FER: variants seen among roughly 807,000 people sequenced by gnomAD.
FER encodes the protein FER tyrosine kinase.
A neutral mutation model predicts 111.0 loss-of-function variants in FER; 63 were observed. That is an observed-to-expected ratio of 0.57 (90% CI 0.46 to 0.70). FER has a LOEUF of 0.70. Among genes scored for constraint, FER ranks in the 30% least tolerant of loss-of-function variants. The pLI, the probability that FER is intolerant of heterozygous loss-of-function variation, is 0.00. For missense variants in FER, 914 were observed against 954.0 expected, an observed-to-expected ratio of 0.96 and a Z score of 0.55; for synonymous variants, 327 against 313.9, an observed-to-expected ratio of 1.04 and a Z score of -0.44.
intron 1 of FER, among the ~76,000 whole-genome samples, chr5:108,750,179 G>A (rs1313335038): frequency 2.0e-5 from 3 of 151,934 alleles, no homozygotes; most frequent in Non-Finnish European, 2.9e-5. Flanking sequence ...AAAGTGTAGT[G>A]GAACATCAAT....
intron 5 of FER, among the ~76,000 whole-genome samples, chr5:108,840,925 A>G (rs1422178720): frequency 7.9e-5 from 12 of 152,284 alleles, no homozygotes; most frequent in Non-Finnish European, 2.9e-5. Flanking sequence ...ACAACCTTCT[A>G]TCCAATGGCT....
At chr5:109,171,988 G>A (rs1757143232) in intron 17 of FER, among the ~76,000 whole-genome samples, 1 of 152,120 alleles carries the variant, frequency 6.6e-6, no homozygotes, top group Admixed American at 6.6e-5. Context: ...GAAACAACAG[G>A]TGCTGGAGAG....
chr5:109,115,532 A>G (rs547808462), intron 17 of FER, among the ~76,000 whole-genome samples: 6 of 152,268 alleles, frequency 3.9e-5, no homozygotes, highest in African/African-American at 7.2e-5. Flanking sequence ...TTCGTTTATA[A>G]TAATTGTTAT....
chr5:109,127,857 A>G lies in FER; in HGVS notation c.2048+27338A>G, dbSNP rs548444662. On this transcript the variant is annotated intron_variant, in intron 17 of 19. Coordinates refer to ENST00000281092, the MANE Select transcript of FER (RefSeq NM_005246.4). The stretch of plus-strand genomic sequence containing the variant: ...GTTCAGAAGTAGGCTCCTGAAAATC[A>G]ATGTATGTGTTCTGTAATTAAAAGT... 2.0e-5 allele frequency among the ~76,000 whole-genome samples: 3 copies of G among 152,280 alleles called. No individual in the cohort carries two copies. In the East Asian group the frequency reaches 5.8e-4, roughly 29 times the overall value.
intron 16 of FER, among the ~76,000 whole-genome samples, chr5:109,089,102 T>C (rs188755164): frequency 2.1e-3 from 322 of 152,304 alleles, no homozygotes; most frequent in Non-Finnish European, 3.6e-3. Flanking sequence ...ACTTTGTTGC[T>C]TTAGTTGCAG....
chr5:108,864,570 A>G (rs1239226607), intron 5 of FER, among the ~76,000 whole-genome samples: 1 of 152,148 alleles, frequency 6.6e-6, no homozygotes. Flanking sequence ...TCAGCTTTCT[A>G]CATATGGCTA....
chr5:109,187,429 T>C lies in FER; in HGVS notation c.2327-4T>C. ...ATTCTGTTCTCCTTCTCTTGGGTCT[T>C]CAGGATACCGGATGTCAGCTCCCCA... On this transcript the variant is annotated splice_polypyrimidine_tract_variant and splice_region_variant and intron_variant, in intron 19 of 19. Transcript: ENST00000281092. 3 of 1,612,738 alleles carry C rather than the reference T, an allele frequency of 1.9e-6. No individual in the cohort carries two copies. Among genetic ancestry groups the C allele is most frequent in the Non-Finnish European group, 2.5e-6 (3 of 1,179,478 alleles).
chr5:108,911,597 G>A (rs569702954), intron 10 of FER, among the ~76,000 whole-genome samples: 2 of 152,076 alleles, frequency 1.3e-5, no homozygotes, highest in Non-Finnish European at 2.9e-5. Context: ...TATAGTTTCA[G>A]GTTTACGTTT....
chr5:109,065,598 G>T (rs1020707161), intron 16 of FER, among the ~76,000 whole-genome samples: 1 of 152,146 alleles, frequency 6.6e-6, no homozygotes, highest in Non-Finnish European at 1.5e-5. Flanking sequence ...GGCTCATCCC[G>T]TAATCCTAGC....
chr5:108,804,564 C>T (rs1255190305), intron 3 of FER, among the ~76,000 whole-genome samples: 1 of 152,090 alleles, frequency 6.6e-6, no homozygotes, highest in Non-Finnish European at 1.5e-5. Flanking sequence ...TTATCAAACG[C>T]TTCAATCTCA....
intron 1 of FER, among the ~76,000 whole-genome samples, chr5:108,759,694 A>C (rs1751504910): frequency 6.6e-6 from 1 of 152,188 alleles, no homozygotes; most frequent in African/African-American, 2.4e-5. Flanking sequence ...AGAGGGATGA[A>C]CTGTGTGTCC....
chr5:109,118,105 T>C (rs1252099815), intron 17 of FER, among the ~76,000 whole-genome samples: 1 of 152,148 alleles, frequency 6.6e-6, no homozygotes, highest in Non-Finnish European at 1.5e-5. Context: ...AAGGGAATGC[T>C]TCCAGTTTTT....
At chr5:109,012,280 T>G (rs1019288276) in intron 13 of FER, among the ~76,000 whole-genome samples, 1 of 152,204 alleles carries the variant, frequency 6.6e-6, no homozygotes, top group East Asian at 1.9e-4. Context: ...TAAATACAAC[T>G]CAGCCGGTTT....
chr5:108,878,756 A>C (rs1765349485), intron 8 of FER, among the ~76,000 whole-genome samples: 1 of 152,178 alleles, frequency 6.6e-6, no homozygotes, highest in Non-Finnish European at 1.5e-5. Context: ...CTGAGAACTA[A>C]GCATCATTAG....
intron 5 of FER, among the ~76,000 whole-genome samples, chr5:108,841,416 G>C (rs1761252995): frequency 6.6e-6 from 1 of 152,134 alleles, no homozygotes; most frequent in South Asian, 2.1e-4. Flanking sequence ...GCACTAAGTA[G>C]TATAAAGGAA....
intron 5 of FER, among the ~76,000 whole-genome samples, chr5:108,844,194 A>G (rs956044689): frequency 7.4e-6 from 1 of 135,026 alleles, no homozygotes; most frequent in Admixed American, 7.5e-5. Context: ...TTTTCTTTTG[A>G]TGAAGCACTT....
intron 16 of FER, among the ~76,000 whole-genome samples, chr5:109,050,522 A>G (rs1772642466): frequency 6.6e-6 from 1 of 152,218 alleles, no homozygotes; most frequent in South Asian, 2.1e-4. Flanking sequence ...CCCTGACTCT[A>G]GCTCAAAAGA....
At chr5:108,822,722 T>TTTA (rs1758995869) in intron 3 of FER, among the ~76,000 whole-genome samples, 1 of 132,334 alleles carries the variant, frequency 7.6e-6, no homozygotes, top group Non-Finnish European at 1.6e-5. Context: ...TATTTTATTT[T>TTTA]ATTTTATTTT....
At chr5:108,886,221 T>A (rs1324066644) in intron 9 of FER, among the ~76,000 whole-genome samples, 1 of 151,750 alleles carries the variant, frequency 6.6e-6, no homozygotes, top group African/African-American at 2.4e-5. Flanking sequence ...TGACAAATCT[T>A]TGCCTCTCTT....
Sources: gnomAD v4.1 joint callset for allele counts (sites outside exome capture counted in the v4.1 genomes callset) on GRCh38, gnomAD v4.1.1 for gene constraint, MANE v1.5 for transcripts, NCBI Gene and HGNC (gene_info 2026-07-23, HGNC 2026-07-21) for gene names.